ARHGEF10L: variants seen among roughly 807,000 people sequenced by gnomAD.
The protein encoded by ARHGEF10L is rho guanine nucleotide exchange factor 10-like protein.
Under a neutral mutation model 141.2 loss-of-function variants are expected in ARHGEF10L, and 69 were observed. That is an observed-to-expected ratio of 0.49 (90% CI 0.40 to 0.60). The LOEUF is 0.60. Ranked by LOEUF, ARHGEF10L falls within the 20% of genes least tolerant of loss-of-function variation. ARHGEF10L has a pLI of 0.00. For synonymous variants in ARHGEF10L, 711 were observed against 718.5 expected (o/e 0.99, Z 0.17); for missense variants, 1,482 against 1,734.3 (o/e 0.85, Z 2.58).
chr1:17,683,976 C>T (rs1408574387), intron 26 of ARHGEF10L, among the ~76,000 whole-genome samples: 1 of 152,132 alleles, frequency 6.6e-6, no homozygotes, highest in Admixed American at 6.5e-5. Flanking sequence ...TGGCTGCACG[C>T]GTGTGAGCAT....
chr1:17,662,710 G>T (rs11579506), intron 25 of ARHGEF10L, among the ~76,000 whole-genome samples: 4 of 152,050 alleles, frequency 2.6e-5, no homozygotes, highest in African/African-American at 9.7e-5. Context: ...ATGGGGAGGG[G>T]GTGGGAGTCT....
chr1:17,684,875 C>T (rs2064432881), intron 26 of ARHGEF10L, among the ~76,000 whole-genome samples: 1 of 152,160 alleles, frequency 6.6e-6, no homozygotes, highest in Admixed American at 6.5e-5. Flanking sequence ...TTCCTGCTAC[C>T]CCTGCCTCCC....
chr1:17,534,173 A>G, the ARHGEF10L span, among the ~76,000 whole-genome samples: 15 of 151,810 alleles, frequency 9.9e-5, no homozygotes, highest in Admixed American at 9.8e-4. Flanking sequence ...CCCAGGCTGG[A>G]GTGCAGTGGC....
At chr1:17,664,239 GAGT>G (rs1417826373) in intron 25 of ARHGEF10L, among the ~76,000 whole-genome samples, 17 of 152,224 alleles carry the variant, frequency 1.1e-4, no homozygotes, top group Admixed American at 1.0e-3. Context: ...ACGAATCTGA[GAGT>G]AGGGGTGGCT....
chr1:17,555,731 C>T (rs1217690633), intron 1 of ARHGEF10L, among the ~76,000 whole-genome samples: 1 of 152,196 alleles, frequency 6.6e-6, no homozygotes, highest in East Asian at 1.9e-4. Context: ...CTGTGACAGT[C>T]AACCCCCCTC....
rs1416754038 is a variant in ARHGEF10L at position 17,625,134 on chromosome 1, A to G, written c.1317+631A>G. On this transcript the variant is annotated intron_variant, in intron 13 of 28. Coordinates refer to ENST00000361221, the MANE Select transcript of ARHGEF10L (RefSeq NM_018125.4). The surrounding 1 kb of genome is among the most constrained non-coding windows in gnomAD (Gnocchi z 4.5). ...CTCAGTGGAGGAACCCACTGTCCCCATCAAAGAGAACAGGGGATCAGGAGG... is the reference window on the plus strand; with the variant it reads ...CTCAGTGGAGGAACCCACTGTCCCCGTCAAAGAGAACAGGGGATCAGGAGG... Among the ~76,000 whole-genome samples, 2 of 152,218 alleles carry G rather than the reference A, an allele frequency of 1.3e-5. No homozygotes were observed. Among genetic ancestry groups the G allele is most frequent in the African/African-American group, 4.8e-5 (2 of 41,464 alleles).
intron 26 of ARHGEF10L, among the ~76,000 whole-genome samples, chr1:17,680,296 C>T (rs895393899): frequency 6.6e-6 from 1 of 152,222 alleles, no homozygotes; most frequent in Non-Finnish European, 1.5e-5. Flanking sequence ...CCCCTGTGCC[C>T]AGCGAGCCTT....
rs776998713 is a variant in ARHGEF10L at position 17,694,986 on chromosome 1, G to T, written c.3185-172G>T. 25 of 936,350 alleles carry T rather than the reference G, an allele frequency of 2.7e-5. No individual in the cohort carries two copies. In the African/African-American group the frequency reaches 3.5e-4, roughly 13 times the overall value. The allele number at this position is 936,350 out of a possible 1,614,324, so 58.0% of individuals were successfully genotyped here. On this transcript the variant is annotated intron_variant, in intron 27 of 28. Coordinates refer to ENST00000361221, the MANE Select transcript of ARHGEF10L (RefSeq NM_018125.4). ...GCTCAGCTGCAGGACCTCGTGGCCA[G>T]ACCCCAGGCAGGTCAGCCTCCAAAG...
intron 7 of ARHGEF10L, 76 bp from the exon 8 acceptor site, chr1:17,612,982 T>C: frequency 1.0e-6 from 1 of 993,134 alleles, no homozygotes; most frequent in Non-Finnish European, 1.6e-6. Context: ...TCCCCTGTTG[T>C]CTGTGTTTTG....
chr1:17,648,674 A>C lies in ARHGEF10L; in HGVS notation c.2393A>C (p.Gln798Pro). Reference protein sequence around the residue: ...PAFSSRALSLQLGALVHSPVN... With the variant: ...PAFSSRALSLPLGALVHSPVN... ...TTCTCCTCCCGGGCACTCAGCCTGC[A>C]GGTGAGTGGAGCGGATCTTGCTGAG... The change falls in exon 22 of 29, where the codon CAG becomes CCG. Residue 798 changes from glutamine to proline, a missense_variant and splice_region_variant. Gln to Pro is a moderately conservative substitution (Grantham distance 76). Around this residue, in one of 3 missense-constraint regions of ARHGEF10L, gnomAD observed 858 missense variants for 966.3 expected, o/e 0.89. Coordinates refer to ENST00000361221, the MANE Select transcript of ARHGEF10L (RefSeq NM_018125.4). 1.2e-6 allele frequency: 2 copies of C among 1,612,418 alleles called. No homozygotes were observed. Among genetic ancestry groups the C allele is most frequent in the Non-Finnish European group, 1.7e-6 (2 of 1,179,922 alleles).
chr1:17,621,940 A>G lies in ARHGEF10L; in HGVS notation c.1019A>G (p.Gln340Arg), dbSNP rs1218572063. 16 of 1,614,064 alleles carry G rather than the reference A, an allele frequency of 9.9e-6. No homozygotes were observed. Among genetic ancestry groups the G allele is most frequent in the Non-Finnish European group, 1.4e-5 (16 of 1,180,026 alleles). ...GTGGAGTCTCTGAAGCGGATACTCC[A>G]GGTGCGACTTCAGGGAGTTCTCAAG... ...SYVESLKRIL[Q>R]DYRNPLMEME... The change falls in exon 11 of 29, where the codon CAG (glutamine) becomes CGG (arginine). Residue 340 changes from glutamine (Q) to arginine (R), a missense_variant and splice_region_variant. Around this residue, in one of 3 missense-constraint regions of ARHGEF10L, gnomAD observed 392 missense variants for 542.1 expected, o/e 0.72. Transcript: ENST00000361221. This position sits in a 1 kb window ranked among gnomAD's most constrained non-coding sequence, Gnocchi z 4.1.
the ARHGEF10L span, among the ~76,000 whole-genome samples, chr1:17,533,993 G>A: frequency 6.6e-6 from 1 of 151,464 alleles, no homozygotes; most frequent in African/African-American, 2.4e-5. Flanking sequence ...ACGGAGTCTT[G>A]CTATGTCTCT....
At chr1:17,584,439 A>G (rs1389601775) in intron 2 of ARHGEF10L, among the ~76,000 whole-genome samples, 1 of 152,140 alleles carries the variant, frequency 6.6e-6, no homozygotes, top group Non-Finnish European at 1.5e-5. Flanking sequence ...GTTACACTAG[A>G]TGCTGAGGAT....
At chr1:17,616,575 A>G (rs138086848) in intron 9 of ARHGEF10L, among the ~76,000 whole-genome samples, 1,865 of 152,200 alleles carry the variant, frequency 0.012, 20 homozygotes, top group South Asian at 0.029. Context: ...ACCAGCTGAC[A>G]TTTACGGAAT....
chr1:17,517,166 G>T, the ARHGEF10L span, among the ~76,000 whole-genome samples: 1 of 152,128 alleles, frequency 6.6e-6, no homozygotes, highest in African/African-American at 2.4e-5. Flanking sequence ...AGAGACTTTG[G>T]ATTTGGTCAG....
intron 1 of ARHGEF10L, among the ~76,000 whole-genome samples, chr1:17,567,068 TCC>T: frequency 1.3e-5 from 2 of 152,336 alleles, no homozygotes; most frequent in Non-Finnish European, 2.9e-5. Context: ...TGTCCCCGTG[TCC>T]CTGTCCTCTG....
Position 17,607,776 on chromosome 1 carries a change from C to A in ARHGEF10L, c.434-26C>A, listed in dbSNP as rs752052065. ...GGTAGGCTTGGCCTCAGGGCCTGGG[C>A]TCACCGGCTGCCGCTTGGCCAGCAG... On this transcript the variant is annotated intron_variant, in intron 6 of 28. Transcript: ENST00000361221. The surrounding 1 kb of genome is among the most constrained non-coding windows in gnomAD (Gnocchi z 4.5). The A allele has an allele frequency of 5.0e-5, 76 of 1,531,674 alleles. No homozygotes were observed. Among genetic ancestry groups the A allele is most frequent in the Non-Finnish European group, 6.4e-5 (73 of 1,143,410 alleles). The allele number at this position is 1,531,674 out of a possible 1,614,324, so 94.9% of individuals were successfully genotyped here. A position where few individuals can be genotyped will look rare whatever the true frequency, so the allele number is the denominator to read the frequency against.
chr1:17,624,333 C>T (rs2060267568), intron 12 of ARHGEF10L, 54 bp from the exon 13 acceptor site: 1 of 1,456,978 alleles, frequency 6.9e-7, no homozygotes, highest in Non-Finnish European at 9.6e-7. Flanking sequence ...GCCTCGTTTC[C>T]TTCTGCTCCC....
At position 17,627,604 on chromosome 1, in the gene ARHGEF10L, C is replaced by CT; in HGVS notation, c.1584+102dup. ...GCCACCCACACTAGGTGGCAGTGTT[C>CT]TCTGAGGGAGGGGAGGCCTTGCTCT... On this transcript the variant is annotated intron_variant, in intron 15 of 28. Coordinates refer to ENST00000361221, the MANE Select transcript of ARHGEF10L (RefSeq NM_018125.4). The surrounding 1 kb of genome is among the most constrained non-coding windows in gnomAD (Gnocchi z 4.0). The CT allele has an allele frequency of 7.0e-7, 1 of 1,418,858 alleles. No individual in the cohort carries two copies. Among genetic ancestry groups the CT allele is most frequent in the South Asian group, 1.4e-5 (1 of 72,848 alleles). 87.9% of individuals were successfully genotyped at this position (1,418,858 alleles called of 1,614,324 possible). A position where few individuals can be genotyped will look rare whatever the true frequency, so the allele number is the denominator to read the frequency against.
Sources: gnomAD v4.1 joint callset for allele counts (sites outside exome capture counted in the v4.1 genomes callset) on GRCh38, gnomAD v4.1.1 for gene constraint, gnomAD v4.1.1 regional missense constraint, Gnocchi (gnomAD v3.1) non-coding constraint, MANE v1.5 for transcripts, NCBI Gene and HGNC (gene_info 2026-07-23, HGNC 2026-07-21) for gene names.